Variants in FHOD1 observed in about 807,000 individuals in gnomAD.
FHOD1 encodes the protein FH1/FH2 domain-containing protein 1.
In FHOD1, 89 loss-of-function variants were observed where a neutral mutation model predicts 111.6. The observed-to-expected ratio is 0.80, with a 90% CI of 0.67 to 0.95. The LOEUF is 0.95. FHOD1 is among the 40% of genes least tolerant of loss of function. The pLI is 0.00. For missense variants in FHOD1, 1,446 were observed against 1,554.2 expected, an observed-to-expected ratio of 0.93 and a Z score of 1.17; for synonymous variants, 618 against 639.0, an observed-to-expected ratio of 0.97 and a Z score of 0.50.
At chr16:67,239,586 T>C in intron 1 of FHOD1, 132 bp from the exon 2 acceptor site, 1 of 678,120 alleles carries the variant, frequency 1.5e-6, no homozygotes, top group South Asian at 1.6e-5. Flanking sequence ...TGTGCATTCC[T>C]TCAGCAGTTG....
At position 67,234,240 on chromosome 16, in the gene FHOD1, T is replaced by C. The variant is rs1489243436; in HGVS notation, c.1463A>G (p.Glu488Gly). The part of the protein sequence containing the change: ...PDARQLWDSP[E>G]TAPAARTPQS... The stretch of plus-strand genomic sequence containing the variant: ...GGGTGTTCTGGCTGCAGGGGCTGTC[T>C]CTGGGGAGTCCCAGAGTTGCCGGGC... The change falls in exon 13 of 22, where the codon GAG becomes GGG. Residue 488 changes from glutamate to glycine, a missense_variant. By Grantham distance (98) the Glu-to-Gly change is moderately conservative. This residue lies in a region of FHOD1 where 1,085 missense variants were observed against 1,108.8 expected (regional missense o/e 0.98). Transcript: ENST00000258201. 1 of 1,555,830 alleles carries C rather than the reference T, an allele frequency of 6.4e-7. No homozygotes were observed. The highest frequency in any genetic ancestry group is 8.7e-7 in the Non-Finnish European group (1 of 1,147,904).
At position 67,230,674 on chromosome 16, in the gene FHOD1, G is replaced by A. The variant is rs2034228150; in HGVS notation, c.2785C>T (p.Leu929Phe). The change falls in exon 18 of 22, where the codon CTC becomes TTC. Residue 929 changes from leucine (L) to phenylalanine (F), a missense_variant. Around this residue, in one of 3 missense-constraint regions of FHOD1, gnomAD observed 1,085 missense variants for 1,108.8 expected, o/e 0.98. Coordinates refer to ENST00000258201, the MANE Select transcript of FHOD1 (RefSeq NM_013241.3). ...GCACACTGGTCCAGGAAGTGGGTGA[G>A]GCGGGCACGCAGGGCTGGGGCCAGC... is the stretch of plus-strand genomic sequence containing the variant. ...HELAPALRARLTHFLDQCARR... is the reference protein window; with the variant it reads ...HELAPALRARFTHFLDQCARR... 6.2e-7 allele frequency: 1 copy of A among 1,614,040 alleles called. No individual in the cohort carries two copies. The highest frequency in any genetic ancestry group is 1.3e-5 in the African/African-American group (1 of 75,070).
At chr16:67,235,556 G>A (rs1473987356) in intron 11 of FHOD1, among the ~76,000 whole-genome samples, 1 of 149,948 alleles carries the variant, frequency 6.7e-6, no homozygotes, top group Non-Finnish European at 1.5e-5. Context: ...AAAAAAAAAC[G>A]GATGTGGTAA....
Position 67,234,345 on chromosome 16 carries a change from C to T in FHOD1, c.1435+12G>A. Reference sequence around the variant, plus strand: ...CAACAGGCAGGCTCTGCCTGCTCACCCACCTACTCACCTGGGTGTCCACCC... The same window carrying T: ...CAACAGGCAGGCTCTGCCTGCTCACTCACCTACTCACCTGGGTGTCCACCC... On this transcript the variant is annotated intron_variant, in intron 12 of 21. Coordinates refer to ENST00000258201, the MANE Select transcript of FHOD1 (RefSeq NM_013241.3). 1 of 1,609,128 alleles carries T rather than the reference C, an allele frequency of 6.2e-7. No homozygotes were observed. The highest frequency in any genetic ancestry group is 1.1e-5 in the South Asian group (1 of 90,986).
At chr16:67,233,621 C>G in intron 13 of FHOD1, 36 bp downstream of exon 13, 1 of 1,545,912 alleles carries the variant, frequency 6.5e-7, no homozygotes, top group East Asian at 2.3e-5. Flanking sequence ...TCCCTCCTGC[C>G]TCCCTTGGGG....
At position 67,233,637 on chromosome 16, in the gene FHOD1, T is replaced by C. The variant is rs1440520780; in HGVS notation, c.2046+20A>G. ...CCCTCCTGCCTCCCTTGGGGCTACCTTGCAGATGAGTGGATTTACCTTGGA... is the reference window on the plus strand; with the variant it reads ...CCCTCCTGCCTCCCTTGGGGCTACCCTGCAGATGAGTGGATTTACCTTGGA... On this transcript the variant is annotated intron_variant, in intron 13 of 21. Coordinates refer to ENST00000258201, the MANE Select transcript of FHOD1 (RefSeq NM_013241.3). 9 of 1,573,654 alleles carry C rather than the reference T, an allele frequency of 5.7e-6. No individual in the cohort carries two copies. The highest frequency in any genetic ancestry group is 5.2e-6 in the Non-Finnish European group (6 of 1,153,994).
In FHOD1 at chr16:67,237,678, T is replaced by C. The variant is rs1328803832; in HGVS notation, c.733A>G (p.Asn245Asp). The change falls in exon 7 of 22, where the codon AAC becomes GAC. Residue 245 changes from asparagine (N) to aspartate (D), a missense_variant. Asn to Asp is a conservative substitution (Grantham distance 23). Around this residue, in one of 3 missense-constraint regions of FHOD1, gnomAD observed 234 missense variants for 327.4 expected, o/e 0.71. Transcript: ENST00000258201. This position sits in a 1 kb window ranked among gnomAD's most constrained non-coding sequence, Gnocchi z 5.6. ...TGACCGGTGGTGCTGGCCACAGAGT[T>C]CACTGCACGGATGAACAGCGGTGCG... is the stretch of plus-strand genomic sequence containing the variant. ...NNAPLFIRAV[N>D]SVASTTGAPP... 6.2e-7 allele frequency: 1 copy of C among 1,613,942 alleles called. No individual in the cohort carries two copies. Among genetic ancestry groups the C allele is most frequent in the Non-Finnish European group, 8.5e-7 (1 of 1,180,014 alleles).
chr16:67,236,870 G>C (rs2034501465), intron 10 of FHOD1, 96 bp downstream of exon 10: 3 of 1,478,576 alleles, frequency 2.0e-6, no homozygotes, highest in Non-Finnish European at 2.7e-6. Context: ...GCTGTCTGTG[G>C]GGCGGGGCCT....
rs2034518456 is a variant in FHOD1 at position 67,237,181 on chromosome 16, G to C, written c.993+58C>G. ...TATGCAGGTGGGGTGGGGCGCTGGG[G>C]ACTGCGCTTCTCTCTTCCCTCTTTC... On this transcript the variant is annotated intron_variant, in intron 9 of 21. Transcript: ENST00000258201. This position sits in a 1 kb window ranked among gnomAD's most constrained non-coding sequence, Gnocchi z 5.6. 3 of 1,603,534 alleles carry C rather than the reference G, an allele frequency of 1.9e-6. No homozygotes were observed. The Admixed American group carries it at 5.0e-5, about 27-fold the overall frequency.
At chr16:67,240,074 G>C (rs926094264) in intron 1 of FHOD1, among the ~76,000 whole-genome samples, 1 of 151,870 alleles carries the variant, frequency 6.6e-6, no homozygotes, top group South Asian at 2.1e-4. Flanking sequence ...GAGTGTGTCT[G>C]TGTGTGTGTG....
At position 67,230,511 on chromosome 16, in the gene FHOD1, G is replaced by A; in HGVS notation, c.2859-5C>T. The A allele has an allele frequency of 3.1e-6, 5 of 1,614,200 alleles. No homozygotes were observed. Among genetic ancestry groups the A allele is most frequent in the Non-Finnish European group, 4.2e-6 (5 of 1,180,002 alleles). On this transcript the variant is annotated splice_region_variant and splice_polypyrimidine_tract_variant and intron_variant, in intron 18 of 21. Transcript: ENST00000258201. Reference sequence around the variant, plus strand: ...TAGAGCAGGAAGGCATGGAACCTAGGCAGGTCAGAGTAGGGAGGGACAGTA... The same window carrying A: ...TAGAGCAGGAAGGCATGGAACCTAGACAGGTCAGAGTAGGGAGGGACAGTA...
At chr16:67,230,255 G>A (rs2034203138) in intron 19 of FHOD1, 27 bp from the exon 20 acceptor site, 1 of 1,613,590 alleles carries the variant, frequency 6.2e-7, no homozygotes, top group Non-Finnish European at 8.5e-7. Context: ...GGTGAGCTGG[G>A]AGGAGCGAAG....
At chr16:67,246,084 G>A (rs1056171104) in intron 1 of FHOD1, among the ~76,000 whole-genome samples, 3 of 152,198 alleles carry the variant, frequency 2.0e-5, no homozygotes, top group Non-Finnish European at 4.4e-5. Context: ...GCCTGGACAC[G>A]TGCCACTCTC....
chr16:67,235,961 C>G (rs1321528212), intron 11 of FHOD1: 4 of 850,950 alleles, frequency 4.7e-6, no homozygotes, highest in Non-Finnish European at 5.7e-6. Flanking sequence ...CTGGGGGAAG[C>G]AATGCTGAAG....
At chr16:67,240,062 G>A (rs750309008) in intron 1 of FHOD1, among the ~76,000 whole-genome samples, 2 of 152,194 alleles carry the variant, frequency 1.3e-5, no homozygotes, top group Admixed American at 6.5e-5. Flanking sequence ...ACCCACCCGG[G>A]AGAGTGTGTC....
At position 67,231,116 on chromosome 16, in the gene FHOD1, G is replaced by A. The variant is rs1022098731; in HGVS notation, c.2667+72C>T. ...ACAGCAGCCCAAATGGGGAGAAGGG[G>A]GAGGAGCCAGGCCCAGGAAGCAGCG... On this transcript the variant is annotated intron_variant, in intron 17 of 21. Transcript: ENST00000258201. The surrounding 1 kb of genome is among the most constrained non-coding windows in gnomAD (Gnocchi z 4.3). The A allele has an allele frequency of 6.4e-7, 1 of 1,567,486 alleles. No homozygotes were observed. Among genetic ancestry groups the A allele is most frequent in the East Asian group, 2.3e-5 (1 of 44,412 alleles).
rs754056591 is a variant in FHOD1 at position 67,232,021 on chromosome 16, A to G, written c.2202+18T>C. ...AAGGCCAGACCTCCCCCCAACACCC[A>G]TAGCTGGGTGACCTCACCTCAATGC... On this transcript the variant is annotated intron_variant, in intron 14 of 21. Coordinates refer to ENST00000258201, the MANE Select transcript of FHOD1 (RefSeq NM_013241.3). 55 of 1,613,742 alleles carry G rather than the reference A, an allele frequency of 3.4e-5. No individual in the cohort carries two copies. The East Asian group carries it at 1.2e-3, about 34-fold the overall frequency.
intron 1 of FHOD1, among the ~76,000 whole-genome samples, chr16:67,242,755 C>T (rs2034702048): frequency 6.6e-6 from 1 of 152,144 alleles, no homozygotes; most frequent in Non-Finnish European, 1.5e-5. Context: ...GCCTCCAGCC[C>T]ACTATACTCT....
In FHOD1 at chr16:67,229,823, GTTCC is replaced by G; in HGVS notation, c.3378_3381del (p.Arg1126SerfsTer12). On this transcript the variant is annotated frameshift_variant, in exon 21 of 22. Transcript: ENST00000258201. LOFTEE classifies it high-confidence loss of function. ...TTGCGGTTGCCGCGGGAACGCTTGC[GTTCC>G]CTAGCAGCTAAGGCACGAGGACTGC... The G allele has an allele frequency of 6.2e-7, 1 of 1,614,210 alleles. No homozygotes were observed. The highest frequency in any genetic ancestry group is 8.5e-7 in the Non-Finnish European group (1 of 1,180,036).
Sources: allele counts gnomAD v4.1 joint callset (sites outside exome capture counted in the v4.1 genomes callset), GRCh38; gene constraint gnomAD v4.1.1; regional missense constraint gnomAD v4.1.1; non-coding constraint Gnocchi (gnomAD v3.1); transcripts MANE v1.5; gene names NCBI Gene and HGNC (gene_info 2026-07-23, HGNC 2026-07-21).